The following RHOBTB2 variants were observed in gnomAD, a reference collection of about 807,000 sequenced individuals.
The protein encoded by RHOBTB2 is Rho related BTB domain containing 2, also known as rho-related BTB domain-containing protein 2.
A neutral mutation model predicts 66.5 loss-of-function variants in RHOBTB2; 39 were observed. The ratio of observed to expected loss-of-function variants is 0.59; its 90% confidence interval spans 0.45 to 0.77. The LOEUF is 0.77. Ranked by LOEUF, RHOBTB2 falls within the 30% of genes least tolerant of loss-of-function variation. The pLI is 0.00. For synonymous variants in RHOBTB2, 390 were observed against 395.0 expected (o/e 0.99, Z 0.15); for missense variants, 755 against 999.1 (o/e 0.76, Z 3.29).
chr8:23,010,572 G>A lies in RHOBTB2; in HGVS notation c.1655G>A (p.Arg552Gln), dbSNP rs1323393409. 15 of 1,613,836 alleles carry A rather than the reference G, an allele frequency of 9.3e-6. No individual in the cohort carries two copies. The highest frequency in any genetic ancestry group is 2.2e-5 in the South Asian group (2 of 91,070). The change falls in exon 7 of 10, where the codon CGG becomes CAG. Residue 552 changes from arginine (R) to glutamine (Q), a missense_variant. This residue lies in a region of RHOBTB2 where 353 missense variants were observed against 458.2 expected (regional missense o/e 0.77). Transcript: ENST00000251822. ...CCCTACACAAGCAAGAGCTGCATGC[G>A]GGCCGTGCTGGAATACCTCTACACC... ...VFPYTSKSCM[R>Q]AVLEYLYTGM...
At chr8:23,003,647 C>T (rs1810852186) in intron 1 of RHOBTB2, among the ~76,000 whole-genome samples, 1 of 152,246 alleles carries the variant, frequency 6.6e-6, no homozygotes, top group Non-Finnish European at 1.5e-5. Flanking sequence ...ACTGTATCAT[C>T]ATAGGCCTGT....
chr8:22,991,808 C>T (rs1476640420), intron 1 of RHOBTB2, among the ~76,000 whole-genome samples: 3 of 152,176 alleles, frequency 2.0e-5, no homozygotes, highest in Non-Finnish European at 4.4e-5. Flanking sequence ...TCCCAGGTGG[C>T]CCCTGGCAAT....
At chr8:22,964,036 C>G in the RHOBTB2 span, among the ~76,000 whole-genome samples, 2 of 152,192 alleles carry the variant, frequency 1.3e-5, no homozygotes, top group African/African-American at 4.8e-5. Flanking sequence ...CCACCTTGGC[C>G]TCCCAAAGTG....
At chr8:22,978,467 A>AC in the RHOBTB2 span, among the ~76,000 whole-genome samples, 1 of 149,948 alleles carries the variant, frequency 6.7e-6, no homozygotes, top group Non-Finnish European at 1.5e-5. Context: ...AGCCTGGGCG[A>AC]CAGAGCGAGA....
At chr8:22,991,084 G>T (rs1279925394) in intron 1 of RHOBTB2, among the ~76,000 whole-genome samples, 1 of 152,110 alleles carries the variant, frequency 6.6e-6, no homozygotes, top group Non-Finnish European at 1.5e-5. Flanking sequence ...CTGGGAGGGG[G>T]TGGGATTCCC....
chr8:22,996,082 C>G (rs114668903), upstream of RHOBTB2, among the ~76,000 whole-genome samples: 1,666 of 152,338 alleles, frequency 0.011, 26 homozygotes, highest in African/African-American at 0.039. Context: ...GGAGGTTTCT[C>G]TTTCCCCAGA....
chr8:22,982,859 G>A (rs1217401741), upstream of RHOBTB2, among the ~76,000 whole-genome samples: 7 of 152,218 alleles, frequency 4.6e-5, no homozygotes, highest in East Asian at 9.6e-4. Context: ...TCAGTGTCGG[G>A]TGAGGGCTGG....
At chr8:23,002,337 G>C (rs540565921) in intron 1 of RHOBTB2, among the ~76,000 whole-genome samples, 1 of 152,146 alleles carries the variant, frequency 6.6e-6, no homozygotes, top group Non-Finnish European at 1.5e-5. Flanking sequence ...TGGGGTTCCC[G>C]GTCCTCAGTT....
At chr8:23,001,912 T>A (rs1163723240) in intron 1 of RHOBTB2, among the ~76,000 whole-genome samples, 2 of 152,178 alleles carry the variant, frequency 1.3e-5, no homozygotes, top group Non-Finnish European at 2.9e-5. Context: ...GGCACAGTAT[T>A]TGTCAATTTC....
intron 9 of RHOBTB2, 21 bp downstream of exon 9, chr8:23,015,764 T>A: frequency 6.6e-7 from 1 of 1,520,338 alleles, no homozygotes; most frequent in Non-Finnish European, 9.1e-7. Flanking sequence ...GGGCCAGTCC[T>A]GGCAGTACCT....
At position 23,017,616 on chromosome 8, in the gene RHOBTB2, C is replaced by A. The variant is rs915634330; in HGVS notation, c.*147C>A. ...GGGTGGAGCTCTTCTTACCAGCCAC[C>A]GTGGCTCAGCCAGAGAGGAGCTGAG... is the stretch of plus-strand genomic sequence containing the variant. On this transcript the variant is annotated 3_prime_UTR_variant, in exon 10 of 10. Coordinates refer to ENST00000251822, the MANE Select transcript of RHOBTB2 (RefSeq NM_015178.3). The surrounding 1 kb of genome is among the most constrained non-coding windows in gnomAD (Gnocchi z 5.3). The A allele has an allele frequency of 3.1e-6, 4 of 1,306,758 alleles. No homozygotes were observed. The highest frequency in any genetic ancestry group is 3.1e-6 in the Non-Finnish European group (3 of 967,910). The allele number at this position is 1,306,758 out of a possible 1,614,324, so 80.9% of individuals were successfully genotyped here.
At chr8:23,009,817 G>C (rs1422336457) in intron 6 of RHOBTB2, among the ~76,000 whole-genome samples, 6 of 152,144 alleles carry the variant, frequency 3.9e-5, no homozygotes, top group Admixed American at 6.5e-5. Flanking sequence ...GCTCTCACAA[G>C]CCCCAGGGGC....
In RHOBTB2 at chr8:23,008,015, T is replaced by C. The variant is rs772922097; in HGVS notation, c.1524T>C (p.Asp508=). The change falls in exon 6 of 10, where the codon GAT becomes GAC. Residue 508 remains aspartate, a synonymous_variant. Coordinates refer to ENST00000251822, the MANE Select transcript of RHOBTB2 (RefSeq NM_015178.3). ...CAGATGTGACCTTCATCCTGGATGA[T>C]GGCACCATCAGCGCCCACAAGCCCC... ...TFSDVTFILD[D]GTISAHKPLL... The C allele has an allele frequency of 6.2e-6, 10 of 1,613,730 alleles. No homozygotes were observed. The highest frequency in any genetic ancestry group is 1.3e-5 in the African/African-American group (1 of 74,986).
At chr8:23,003,671 C>T (rs1231048382) in intron 1 of RHOBTB2, among the ~76,000 whole-genome samples, 49 of 152,316 alleles carry the variant, frequency 3.2e-4, no homozygotes, top group South Asian at 2.1e-4. Context: ...TCCCCTCACC[C>T]GCATCTGAAA....
At chr8:22,964,641 T>C in the RHOBTB2 span, among the ~76,000 whole-genome samples, 53 of 152,164 alleles carry the variant, frequency 3.5e-4, no homozygotes, top group Non-Finnish European at 6.6e-4. Context: ...CAAGACACCA[T>C]ACAATCGTGT....
chr8:22,981,931 C>A, the RHOBTB2 span, among the ~76,000 whole-genome samples: 1 of 152,244 alleles, frequency 6.6e-6, no homozygotes, highest in South Asian at 2.1e-4. Context: ...TCAGGTGCAA[C>A]TGGCCACTTT....
At chr8:22,998,040 G>A (rs891494372), upstream of RHOBTB2, among the ~76,000 whole-genome samples, 1 of 152,198 alleles carries the variant, frequency 6.6e-6, no homozygotes, top group African/African-American at 2.4e-5. Context: ...GTCAGTCATT[G>A]TTAACCTCTT....
chr8:22,999,421 G>A (rs1810686332), upstream of RHOBTB2, among the ~76,000 whole-genome samples: 1 of 151,402 alleles, frequency 6.6e-6, no homozygotes, highest in African/African-American at 2.4e-5. Flanking sequence ...AGGGGCGGAA[G>A]AGCGCGGGCG....
Position 23,006,982 on chromosome 8 carries a change from C to G in RHOBTB2, c.737C>G (p.Pro246Arg). The G allele has an allele frequency of 6.2e-7, 1 of 1,610,632 alleles. No individual in the cohort carries two copies. Among genetic ancestry groups the G allele is most frequent in the Non-Finnish European group, 8.5e-7 (1 of 1,179,906 alleles). ...PKPPPPIIVV[P>R]DPPSSSEECP... ...CCACCGCCCCCGATCATCGTGGTGC[C>G]CGACCCTCCCTCCAGCAGCGAGGAG... The change falls in exon 5 of 10, where the codon CCC becomes CGC. Residue 246 changes from proline (P) to arginine (R), a missense_variant. By Grantham distance (103) the Pro-to-Arg change is moderately radical. Around this residue, in one of 7 missense-constraint regions of RHOBTB2, gnomAD observed 247 missense variants for 238.9 expected, o/e 1.03. Transcript: ENST00000251822. This position sits in a 1 kb window ranked among gnomAD's most constrained non-coding sequence, Gnocchi z 6.1.
Sources: allele counts gnomAD v4.1 joint callset (sites outside exome capture counted in the v4.1 genomes callset), GRCh38; gene constraint gnomAD v4.1.1; regional missense constraint gnomAD v4.1.1; non-coding constraint Gnocchi (gnomAD v3.1); transcripts MANE v1.5; gene names NCBI Gene and HGNC (gene_info 2026-07-23, HGNC 2026-07-21).